SLCO4A1: variants seen among roughly 807,000 people sequenced by gnomAD.
SLCO4A1 encodes the protein solute carrier organic anion transporter family member 4A1, also known as colon organic anion transporter.
A neutral mutation model predicts 64.6 loss-of-function variants in SLCO4A1; 51 were observed. That is an observed-to-expected ratio of 0.79 (90% CI 0.63 to 1.00). The LOEUF (loss-of-function observed/expected upper bound fraction) is 1.00. Among genes scored for constraint, SLCO4A1 ranks in the 50% least tolerant of loss-of-function variants. The pLI, the probability that SLCO4A1 is intolerant of heterozygous loss-of-function variation, is 0.00. For missense variants in SLCO4A1, 919 were observed against 980.5 expected (o/e 0.94, Z 0.84); for synonymous variants, 471 against 444.9 (o/e 1.06, Z -0.74).
chr20:62,678,661 G>A (rs990187027), intron 2 of SLCO4A1, among the ~76,000 whole-genome samples: 7 of 151,220 alleles, frequency 4.6e-5, no homozygotes, highest in African/African-American at 7.3e-5. Flanking sequence ...CAACAAAATT[G>A]GAAACCACCC....
rs1555916119 is a variant in SLCO4A1 at position 62,666,121 on chromosome 20, C to CTTCCCCTT, written c.1277-259_1277-258insTTCCCCTT. The CTTCCCCTT allele has an allele frequency of 5.4e-5, 2 of 37,116 alleles. 1 individual carries two copies. Among genetic ancestry groups the CTTCCCCTT allele is most frequent in the Non-Finnish European group, 1.1e-4 (2 of 18,498 alleles). 2.3% of individuals were successfully genotyped at this position (37,116 alleles called of 1,614,324 possible). On this transcript the variant is annotated intron_variant, in intron 6 of 11. Transcript: ENST00000217159. Reference sequence around the variant, plus strand: ...CCCCGCCCCGCCCCGCCCCCCCGCTCCCCCTTCCCCTTCCCCTTCCCCTTC... The same window carrying CTTCCCCTT: ...CCCCGCCCCGCCCCGCCCCCCCGCTCTTCCCCTTCCCCTTCCCCTTCCCCTTCCCCTTC...
At chr20:62,686,948 AC>A (rs913694851), downstream of SLCO4A1, among the ~76,000 whole-genome samples, 7 of 138,478 alleles carry the variant, frequency 5.1e-5, no homozygotes, top group African/African-American at 2.0e-4. Flanking sequence ...GGGAAAGGGC[AC>A]CCCCAAACAG....
chr20:62,670,631 C>T (rs1987084052), intron 11 of SLCO4A1, among the ~76,000 whole-genome samples: 1 of 152,214 alleles, frequency 6.6e-6, no homozygotes. Flanking sequence ...AGGGAGCCGT[C>T]CCCAGACTCT....
chr20:62,676,955 CG>C (rs1987624382), downstream of SLCO4A1, among the ~76,000 whole-genome samples: 1 of 152,216 alleles, frequency 6.6e-6, no homozygotes, highest in Non-Finnish European at 1.5e-5. Flanking sequence ...CTTGCTTGGC[CG>C]TCAATCAGAA....
rs550616795 is a variant in SLCO4A1 at position 62,679,600 on chromosome 20, C to T, written n.212-5841C>T. Among the ~76,000 whole-genome samples, 12 of 152,272 alleles carry T rather than the reference C, an allele frequency of 7.9e-5. No homozygotes were observed. In the East Asian group the frequency reaches 1.2e-3, roughly 15 times the overall value. On this transcript the variant is annotated intron_variant and non_coding_transcript_variant, in intron 2 of 2. Transcript: ENST00000466818. ...CTCGTTTCGAACTCCTGAGTTCAAG[C>T]GATCCTCCTGCATTGGCCTCCCAAA...
At position 62,657,206 on chromosome 20, in the gene SLCO4A1, AC is replaced by A. The variant is rs1569129943; in HGVS notation, c.754del (p.Leu252TrpfsTer30). 2 of 1,544,972 alleles carry A rather than the reference AC, an allele frequency of 1.3e-6. No homozygotes were observed. Among genetic ancestry groups the A allele is most frequent in the South Asian group, 2.4e-5 (2 of 84,218 alleles). On this transcript the variant is annotated frameshift_variant, in exon 2 of 12. Transcript: ENST00000217159. LOFTEE classifies it high-confidence loss of function. ...ATPLYTLGVT[Y>X]LDENVKSSCS... is the part of the protein sequence containing the mutation. Reference sequence around the variant, plus strand: ...CCCCTCTACACGCTGGGCGTCACCTACCTGGATGAGAACGTCAAGTCCAGCT... The same window carrying A: ...CCCCTCTACACGCTGGGCGTCACCTACTGGATGAGAACGTCAAGTCCAGCT...
At chr20:62,667,678 C>T in intron 7 of SLCO4A1, 67 bp from the exon 8 acceptor site, 4 of 1,537,720 alleles carry the variant, frequency 2.6e-6, no homozygotes, top group South Asian at 2.5e-5. Flanking sequence ...ATGGCTGACC[C>T]TGTGCCTGCT....
chr20:62,653,408 G>A (rs1388442492), intron 1 of SLCO4A1, among the ~76,000 whole-genome samples: 3 of 152,176 alleles, frequency 2.0e-5, no homozygotes, highest in Admixed American at 1.3e-4. Context: ...TGCTGGGCCC[G>A]GTTTATCTGC....
At chr20:62,669,485 G>A (rs1223541625) in intron 11 of SLCO4A1, among the ~76,000 whole-genome samples, 1 of 152,244 alleles carries the variant, frequency 6.6e-6, no homozygotes, top group Admixed American at 6.5e-5. Flanking sequence ...AGTCTGGGGG[G>A]CTGGCGGGCA....
In SLCO4A1 at chr20:62,660,437, CTGTGGGTCGGCGCCT is replaced by C. The variant is rs1187230872; in HGVS notation, c.914_928del (p.Leu305_Trp310delinsArg). On this transcript the variant is annotated inframe_deletion, in exon 4 of 12. Transcript: ENST00000217159. ...GACGGAGCTGACCACCGAGAGCCCA[CTGTGGGTCGGCGCCT>C]GGTGGGTCGGCTTCCTGGGCTCTGG... is the stretch of plus-strand genomic sequence containing the variant. The C allele has an allele frequency of 6.2e-7, 1 of 1,600,412 alleles. No homozygotes were observed. The highest frequency in any genetic ancestry group is 2.2e-5 in the East Asian group (1 of 44,874).
downstream of SLCO4A1, among the ~76,000 whole-genome samples, chr20:62,675,235 G>C (rs374039035): frequency 2.6e-5 from 4 of 152,172 alleles, no homozygotes; most frequent in East Asian, 5.8e-4. Context: ...GCTGCTCATC[G>C]GCATTGCAAG....
chr20:62,648,346 G>A (rs1981787851), intron 1 of SLCO4A1, among the ~76,000 whole-genome samples: 1 of 152,258 alleles, frequency 6.6e-6, no homozygotes, highest in African/African-American at 2.4e-5. Flanking sequence ...AGAGGCATCA[G>A]GGCAGTGGGG....
downstream of SLCO4A1, among the ~76,000 whole-genome samples, chr20:62,687,752 C>G (rs1988113406): frequency 6.6e-6 from 1 of 152,210 alleles, no homozygotes; most frequent in South Asian, 2.1e-4. Context: ...TTCCCTGTAC[C>G]TCTGCTGGGG....
intron 2 of SLCO4A1, among the ~76,000 whole-genome samples, chr20:62,680,953 G>A (rs1987797647): frequency 6.6e-6 from 1 of 152,158 alleles, no homozygotes; most frequent in Admixed American, 6.5e-5. Flanking sequence ...CACCTGGGCT[G>A]GATCACGGTG....
At chr20:62,655,008 G>A (rs1052438919) in intron 1 of SLCO4A1, among the ~76,000 whole-genome samples, 1 of 152,208 alleles carries the variant, frequency 6.6e-6, no homozygotes, top group Non-Finnish European at 1.5e-5. Flanking sequence ...GATTGGATCA[G>A]GGCCCACCCA....
At chr20:62,658,906 A>G (rs1219220714) in intron 3 of SLCO4A1, 139 bp downstream of exon 3, 2 of 722,906 alleles carry the variant, frequency 2.8e-6, no homozygotes, top group Admixed American at 2.4e-5. Flanking sequence ...GGAGGGAGTC[A>G]AGGCTGGCCT....
chr20:62,656,423 A>G lies in SLCO4A1; in HGVS notation c.-32A>G. On this transcript the variant is annotated 5_prime_UTR_variant, in exon 2 of 12. Transcript: ENST00000217159. ...TGAGGCCACTCCCACTGCGTGGCTGAAGCCTCGAGGTCACCAGGCGGAGGC... is the reference window on the plus strand; with the variant it reads ...TGAGGCCACTCCCACTGCGTGGCTGGAGCCTCGAGGTCACCAGGCGGAGGC... 6.9e-7 allele frequency: 1 copy of G among 1,448,384 alleles called. No homozygotes were observed. The allele number at this position is 1,448,384 out of a possible 1,614,324, so 89.7% of individuals were successfully genotyped here.
At position 62,656,670 on chromosome 20, in the gene SLCO4A1, C is replaced by T. The variant is rs1156895582; in HGVS notation, c.216C>T (p.Thr72=). ...LWAEKHGARG[T]HEVRYVSAGQ... is the part of the protein sequence containing the mutation. ...CCGAGAAGCATGGCGCCCGGGGGACCCATGAGGTGCGGTACGTCTCGGCCG... is the reference window on the plus strand; with the variant it reads ...CCGAGAAGCATGGCGCCCGGGGGACTCATGAGGTGCGGTACGTCTCGGCCG... The change falls in exon 2 of 12, where the codon ACC becomes ACT. Residue 72 remains threonine (T), a synonymous_variant. Transcript: ENST00000217159. The T allele has an allele frequency of 6.2e-7, 1 of 1,606,754 alleles. No homozygotes were observed. Among genetic ancestry groups the T allele is most frequent in the Non-Finnish European group, 8.5e-7 (1 of 1,177,144 alleles).
intron 5 of SLCO4A1, among the ~76,000 whole-genome samples, chr20:62,664,209 C>A (rs1985637400): frequency 6.6e-6 from 1 of 152,072 alleles, no homozygotes; most frequent in African/African-American, 2.4e-5. Context: ...ACAGTTCCCC[C>A]CAGGGCTCCA....
Sources: gnomAD v4.1 joint callset for allele counts (sites outside exome capture counted in the v4.1 genomes callset) on GRCh38, gnomAD v4.1.1 for gene constraint, MANE v1.5 for transcripts, NCBI Gene and HGNC (gene_info 2026-07-23, HGNC 2026-07-21) for gene names.